The following MIS18A variants were observed in gnomAD, a reference collection of about 807,000 sequenced individuals.
MIS18A encodes MIS18 kinetochore protein A, also known as protein Mis18-alpha.
In MIS18A, 14 loss-of-function variants were observed where a neutral mutation model predicts 25.0. That is an observed-to-expected ratio of 0.56 (90% confidence interval 0.37 to 0.88). MIS18A has a LOEUF of 0.88. Ranked by LOEUF, MIS18A falls within the 40% of genes least tolerant of loss-of-function variation. The pLI, the probability that MIS18A is intolerant of heterozygous loss-of-function variation, is 0.00. For missense variants in MIS18A, 292 were observed against 290.8 expected (o/e 1.00, Z -0.03); for synonymous variants, 134 against 118.6 (o/e 1.13, Z -0.84).
At chr21:32,191,692 T>C in the MIS18A span, among the ~76,000 whole-genome samples, 1 of 152,082 alleles carries the variant, frequency 6.6e-6, no homozygotes, top group East Asian at 1.9e-4. Flanking sequence ...TCACCTGAGG[T>C]CAGGAGTTCA....
the MIS18A span, among the ~76,000 whole-genome samples, chr21:32,252,929 T>G: frequency 1.3e-5 from 2 of 152,320 alleles, no homozygotes; most frequent in East Asian, 3.9e-4. Context: ...TGCTACTCAC[T>G]CGTCCATTTG....
the MIS18A span, among the ~76,000 whole-genome samples, chr21:32,183,902 T>C: frequency 1.3e-5 from 2 of 152,168 alleles, no homozygotes; most frequent in Non-Finnish European, 1.5e-5. Flanking sequence ...ATCAAACATG[T>C]TTTAGACTTG....
At chr21:32,165,208 C>T in the MIS18A span, among the ~76,000 whole-genome samples, 2 of 152,042 alleles carry the variant, frequency 1.3e-5, no homozygotes, top group African/African-American at 2.4e-5. Flanking sequence ...TGGTGCATGC[C>T]TGTAATCCCA....
chr21:32,267,218 A>G (rs1445170940), downstream of MIS18A, among the ~76,000 whole-genome samples: 1 of 152,278 alleles, frequency 6.6e-6, no homozygotes, highest in Non-Finnish European at 1.5e-5. Context: ...GGTTGAGGCC[A>G]AAGATGAAGA....
At chr21:32,209,674 C>T in the MIS18A span, among the ~76,000 whole-genome samples, 1 of 152,106 alleles carries the variant, frequency 6.6e-6, no homozygotes, top group Non-Finnish European at 1.5e-5. Flanking sequence ...ATGGGAGGGG[C>T]CCACTGGGAG....
chr21:32,162,298 T>C, the MIS18A span, among the ~76,000 whole-genome samples: 1 of 152,036 alleles, frequency 6.6e-6, no homozygotes, highest in Non-Finnish European at 1.5e-5. Flanking sequence ...CTTCCCACTT[T>C]CCCAACTGCA....
the MIS18A span, among the ~76,000 whole-genome samples, chr21:32,159,588 A>G: frequency 1.3e-5 from 2 of 152,384 alleles, no homozygotes; most frequent in Non-Finnish European, 2.9e-5. Context: ...ATGAATGACC[A>G]TGACCTGTGA....
intron 3 of MIS18A, among the ~76,000 whole-genome samples, 186 bp from the exon 4 acceptor site, chr21:32,269,989 G>A (rs900791620): frequency 2.6e-5 from 4 of 152,108 alleles, no homozygotes; most frequent in South Asian, 2.1e-4. Flanking sequence ...CAGGAGGATC[G>A]CTGGAGCCCA....
the MIS18A span, among the ~76,000 whole-genome samples, chr21:32,155,367 G>C: frequency 1.3e-5 from 2 of 152,232 alleles, no homozygotes; most frequent in East Asian, 3.9e-4. Flanking sequence ...GACCTAGAGG[G>C]AGGCAGCTTG....
chr21:32,216,733 G>A, the MIS18A span, among the ~76,000 whole-genome samples: 2 of 152,242 alleles, frequency 1.3e-5, no homozygotes, highest in African/African-American at 4.8e-5. Flanking sequence ...GAAGCAGGAA[G>A]TAAAGGCTAA....
At chr21:32,185,073 T>A in the MIS18A span, among the ~76,000 whole-genome samples, 2 of 152,232 alleles carry the variant, frequency 1.3e-5, no homozygotes, top group Admixed American at 1.3e-4. Flanking sequence ...TTGCCTACGA[T>A]GTAAGTACCC....
chr21:32,215,178 T>C, the MIS18A span, among the ~76,000 whole-genome samples: 1 of 152,122 alleles, frequency 6.6e-6, no homozygotes, highest in South Asian at 2.1e-4. Flanking sequence ...TAACGTGATT[T>C]AAAAGCCTCC....
At chr21:32,193,290 T>A in the MIS18A span, among the ~76,000 whole-genome samples, 1 of 152,154 alleles carries the variant, frequency 6.6e-6, no homozygotes, top group Admixed American at 6.5e-5. Flanking sequence ...TAAGAGTTCA[T>A]GGACAAAGGA....
chr21:32,194,304 A>G, the MIS18A span, among the ~76,000 whole-genome samples: 1 of 151,482 alleles, frequency 6.6e-6, no homozygotes, highest in African/African-American at 2.4e-5. Flanking sequence ...CAATAATTGG[A>G]TAAAAAATAT....
At chr21:32,189,261 CTTTATTTTATTT>C in the MIS18A span, among the ~76,000 whole-genome samples, 1 of 152,060 alleles carries the variant, frequency 6.6e-6, no homozygotes, top group Non-Finnish European at 1.5e-5. Context: ...TCATACTTCA[CTTTATTTTATTT>C]TTTATTTTAT....
chr21:32,157,223 A>ATTTTTTTTTTTTTT, the MIS18A span, among the ~76,000 whole-genome samples: 575 of 72,158 alleles, frequency 8.0e-3, 53 homozygotes, highest in East Asian at 0.061. Flanking sequence ...TACCCGGCTA[A>ATTTTTTTTTTTTTT]TTTTTTTTTT....
the MIS18A span, among the ~76,000 whole-genome samples, chr21:32,165,666 T>G: frequency 6.6e-6 from 1 of 150,992 alleles, no homozygotes; most frequent in African/African-American, 2.4e-5. Context: ...CCCAAAACCA[T>G]GGGATTCATA....
chr21:32,165,559 T>C, the MIS18A span, among the ~76,000 whole-genome samples: 1 of 151,134 alleles, frequency 6.6e-6, no homozygotes, highest in Non-Finnish European at 1.5e-5. Context: ...AGTGACACAG[T>C]TCTAGGTCTC....
chr21:32,258,048 A>G, the MIS18A span, among the ~76,000 whole-genome samples: 3 of 152,176 alleles, frequency 2.0e-5, no homozygotes, highest in South Asian at 6.2e-4. Context: ...GTCTCGTGTG[A>G]GTCAGACACA....
Sources: gnomAD v4.1 joint callset for allele counts (sites outside exome capture counted in the v4.1 genomes callset) on GRCh38, gnomAD v4.1.1 for gene constraint, MANE v1.5 for transcripts, NCBI Gene and HGNC (gene_info 2026-07-23, HGNC 2026-07-21) for gene names.